NR2F2: variants seen among roughly 807,000 people sequenced by gnomAD.
NR2F2 encodes nuclear receptor subfamily 2 group F member 2.
A neutral mutation model predicts 34.8 loss-of-function variants in NR2F2; 2 were observed. The ratio of observed to expected loss-of-function variants is 0.06; its 90% CI spans 0.02 to 0.18. The LOEUF is 0.18. Among genes scored for constraint, NR2F2 ranks in the 10% least tolerant of loss-of-function variants. The pLI is 1.00. For synonymous variants in NR2F2, 274 were observed against 251.8 expected (o/e 1.09, Z -0.84); for missense variants, 300 against 580.1 (o/e 0.52, Z 4.96).
chr15:96,337,208 T>G, intron 2 of NR2F2, 140 bp from the exon 3 acceptor site: 1 of 718,970 alleles, frequency 1.4e-6, no homozygotes, highest in South Asian at 2.0e-5. Context: ...CCAACTCCGG[T>G]TGGGGCAGTT....
At chr15:96,329,791 CGA>C (rs1899081601), upstream of NR2F2, among the ~76,000 whole-genome samples, 1 of 151,864 alleles carries the variant, frequency 6.6e-6, no homozygotes, top group Admixed American at 6.6e-5. Flanking sequence ...CTAAAACCAG[CGA>C]GAGAGGGTAA....
At chr15:96,333,692 G>GC in intron 1 of NR2F2, 1 of 1,127,276 alleles carries the variant, frequency 8.9e-7, no homozygotes, top group Non-Finnish European at 1.1e-6. Context: ...CCCCAGACTC[G>GC]CCCCTCCCGC....
chr15:96,333,842 C>T (rs535090634), intron 1 of NR2F2: 1 of 1,419,584 alleles, frequency 7.0e-7, no homozygotes, highest in African/African-American at 1.4e-5. Flanking sequence ...GGACCAGCCC[C>T]GAGCGGGCCT....
chr15:96,331,447 C>T lies in NR2F2; in HGVS notation c.-659C>T. The T allele has an allele frequency of 1.6e-6, 2 of 1,231,430 alleles. No individual in the cohort carries two copies. Among genetic ancestry groups the T allele is most frequent in the Non-Finnish European group, 2.0e-6 (2 of 988,020 alleles). The allele number at this position is 1,231,430 out of a possible 1,614,324, so 76.3% of individuals were successfully genotyped here. On this transcript the variant is annotated 5_prime_UTR_variant, in exon 1 of 3. Transcript: ENST00000394166. Reference sequence around the variant, plus strand: ...CCCTGGGCGCGCCCGCACCCGGCGCCTCCGATCTCCTAGTCCTCCTGATTT... The same window carrying T: ...CCCTGGGCGCGCCCGCACCCGGCGCTTCCGATCTCCTAGTCCTCCTGATTT...
At position 96,334,076 on chromosome 15, in the gene NR2F2, C is replaced by T; in HGVS notation, c.443C>T (p.Ala148Val). Residue 148 changes from alanine to valine, a missense_variant and splice_region_variant, in exon 2 of 3, where the codon GCG becomes GTG. Around this residue, in one of 6 missense-constraint regions of NR2F2, gnomAD observed 164 missense variants for 365.3 expected, o/e 0.45. Coordinates refer to ENST00000394166, the MANE Select transcript of NR2F2 (RefSeq NM_021005.4). ...GGAGTGTCTCCTTTCCTCCCCGCAG[C>T]GGTGCAGAGGGGCAGGATGCCGCCG... ...KCLKVGMRRE[A>V]VQRGRMPPTQ... 1 of 1,610,690 alleles carries T rather than the reference C, an allele frequency of 6.2e-7. No homozygotes were observed. The highest frequency in any genetic ancestry group is 8.5e-7 in the Non-Finnish European group (1 of 1,178,424).
At position 96,337,733 on chromosome 15, in the gene NR2F2, G is replaced by T; in HGVS notation, c.*111G>T. 11 of 965,596 alleles carry T rather than the reference G, an allele frequency of 1.1e-5. No homozygotes were observed. The highest frequency in any genetic ancestry group is 1.5e-5 in the Non-Finnish European group (11 of 711,780). 59.8% of individuals were successfully genotyped at this position (965,596 alleles called of 1,614,324 possible). A position where few individuals can be genotyped will look rare whatever the true frequency, so the allele number is the denominator to read the frequency against. On this transcript the variant is annotated 3_prime_UTR_variant, in exon 3 of 3. Coordinates refer to ENST00000394166, the MANE Select transcript of NR2F2 (RefSeq NM_021005.4). The stretch of plus-strand genomic sequence containing the variant: ...GGATATAAAAGGATGTTACAAGTTT[G>T]CTAAAAGAAGAGAGGGGAAGAATTT...
intron 1 of NR2F2, chr15:96,333,832 G>A (rs1439213619): frequency 3.6e-6 from 5 of 1,407,558 alleles, no homozygotes; most frequent in East Asian, 2.5e-5. Context: ...GGTCCTCGGC[G>A]GACCAGCCCC....
In NR2F2 at chr15:96,337,676, G is replaced by A. The variant is rs1467816085; in HGVS notation, c.*54G>A. 1.3e-6 allele frequency: 2 copies of A among 1,536,232 alleles called. No individual in the cohort carries two copies. Among genetic ancestry groups the A allele is most frequent in the Non-Finnish European group, 8.8e-7 (1 of 1,133,572 alleles). ...CAGAGAAAGAAAAGGCAAAAGACTG[G>A]TTTGTTTGCTTAATTTCCTTCTGTT... On this transcript the variant is annotated 3_prime_UTR_variant, in exon 3 of 3. Transcript: ENST00000394166.
At chr15:96,333,747 A>G in intron 1 of NR2F2, 2 of 1,321,396 alleles carry the variant, frequency 1.5e-6, no homozygotes, top group Non-Finnish European at 1.9e-6. Context: ...TTTAGCAGTA[A>G]AGAAGAAAGA....
At chr15:96,329,056 A>G (rs1899061256), upstream of NR2F2, among the ~76,000 whole-genome samples, 1 of 151,986 alleles carries the variant, frequency 6.6e-6, no homozygotes, top group Admixed American at 6.6e-5. Context: ...TTCAGCTACC[A>G]AGGATGTTTT....
rs1596423584 is a variant in NR2F2 at position 96,331,561 on chromosome 15, C to G, written c.-545C>G. On this transcript the variant is annotated 5_prime_UTR_variant, in exon 1 of 3. Coordinates refer to ENST00000394166, the MANE Select transcript of NR2F2 (RefSeq NM_021005.4). ...TCCTCCTCCTCTACCTCCTCCTTCA[C>G]CACCACCTCCTCTTCCTCCTCCTCC... 1.6e-6 allele frequency: 2 copies of G among 1,225,374 alleles called. No individual in the cohort carries two copies. Among genetic ancestry groups the G allele is most frequent in the East Asian group, 3.2e-5 (1 of 31,248 alleles). The allele number at this position is 1,225,374 out of a possible 1,614,324, so 75.9% of individuals were successfully genotyped here. A position where few individuals can be genotyped will look rare whatever the true frequency, so the allele number is the denominator to read the frequency against.
At chr15:96,330,381 G>C (rs1483728647), upstream of NR2F2, among the ~76,000 whole-genome samples, 2 of 151,104 alleles carry the variant, frequency 1.3e-5, no homozygotes, top group African/African-American at 4.8e-5. Flanking sequence ...CGCAGGGCCA[G>C]CACGGGCCCA....
chr15:96,331,690 GATT>G lies in NR2F2; in HGVS notation c.-415_-413del. ...TGAGAGCGAGCGAGATCTTTGGAGA[GATT>G]TTTTTTTTTGCCTCCTACTTCTGTC... On this transcript the variant is annotated 5_prime_UTR_variant, in exon 1 of 3. Transcript: ENST00000394166. 2 of 1,058,450 alleles carry G rather than the reference GATT, an allele frequency of 1.9e-6. No homozygotes were observed. Among genetic ancestry groups the G allele is most frequent in the Non-Finnish European group, 2.4e-6 (2 of 835,670 alleles). 65.6% of individuals were successfully genotyped at this position (1,058,450 alleles called of 1,614,324 possible).
chr15:96,330,530 C>A (rs921013855), upstream of NR2F2, among the ~76,000 whole-genome samples: 1 of 145,490 alleles, frequency 6.9e-6, no homozygotes, highest in Admixed American at 6.8e-5. Flanking sequence ...GCCGCCATGG[C>A]GGGGCCGCCG....
chr15:96,326,234 C>T, upstream of NR2F2: 1 of 1,179,654 alleles, frequency 8.5e-7, no homozygotes, highest in Non-Finnish European at 1.3e-6. The surrounding 1 kb of genome is among the most constrained non-coding windows in gnomAD (Gnocchi z 5.5). Context: ...ATCAAAGACA[C>T]ATCTTTTCAG....
chr15:96,338,671 AAAC>A lies in NR2F2; in HGVS notation c.*1050_*1052del, dbSNP rs1456742355. The A allele has an allele frequency of 6.6e-6, 1 of 152,614 alleles. No individual in the cohort carries two copies. Among genetic ancestry groups the A allele is most frequent in the Admixed American group, 6.5e-5 (1 of 15,272 alleles). 9.5% of individuals were successfully genotyped at this position (152,614 alleles called of 1,614,324 possible). ...AGAGTTTACAGTTTGTGTTTTAAAA[AAAC>A]TGAAGGTTTTTTTTTTAAGTGCAAC... is the stretch of plus-strand genomic sequence containing the variant. On this transcript the variant is annotated 3_prime_UTR_variant, in exon 3 of 3. Coordinates refer to ENST00000394166, the MANE Select transcript of NR2F2 (RefSeq NM_021005.4).
In NR2F2 at chr15:96,337,422, G is replaced by A. The variant is rs752442942; in HGVS notation, c.1045G>A (p.Val349Ile). The change falls in exon 3 of 3, where the codon GTT becomes ATT. Residue 349 changes from valine (V) to isoleucine (I), a missense_variant. Val to Ile is a conservative substitution (Grantham distance 29). Around this residue, in one of 6 missense-constraint regions of NR2F2, gnomAD observed 164 missense variants for 365.3 expected, o/e 0.45. Coordinates refer to ENST00000394166, the MANE Select transcript of NR2F2 (RefSeq NM_021005.4). Reference protein sequence around the residue: ...EKSQCALEEYVRSQYPNQPTR... With the variant: ...EKSQCALEEYIRSQYPNQPTR... The stretch of plus-strand genomic sequence containing the variant: ...GTCTCAGTGTGCTTTGGAAGAATAC[G>A]TTAGGAGCCAGTACCCCAACCAGCC... 8 of 1,614,038 alleles carry A rather than the reference G, an allele frequency of 5.0e-6. No individual in the cohort carries two copies. The highest frequency in any genetic ancestry group is 5.9e-6 in the Non-Finnish European group (7 of 1,180,014).
rs1899163574 is a variant in NR2F2 at position 96,332,083 on chromosome 15, G to A, written c.-23G>A. The A allele has an allele frequency of 6.9e-6, 9 of 1,295,030 alleles. No individual in the cohort carries two copies. The highest frequency in any genetic ancestry group is 7.8e-6 in the Non-Finnish European group (8 of 1,021,152). 80.2% of individuals were successfully genotyped at this position (1,295,030 alleles called of 1,614,324 possible). ...CCGCCCGCAGCCAGGGGAGCAGGAA[G>A]TCCGGACGCAGCCCCCATAGATATG... On this transcript the variant is annotated 5_prime_UTR_variant, in exon 1 of 3. Coordinates refer to ENST00000394166, the MANE Select transcript of NR2F2 (RefSeq NM_021005.4).
upstream of NR2F2, among the ~76,000 whole-genome samples, chr15:96,328,901 A>T (rs1440298135): frequency 6.6e-6 from 1 of 152,158 alleles, no homozygotes; most frequent in Non-Finnish European, 1.5e-5. Flanking sequence ...TTTCCTAAAA[A>T]CCAGCCCCTA....
Sources: gnomAD v4.1 joint callset for allele counts (sites outside exome capture counted in the v4.1 genomes callset) on GRCh38, gnomAD v4.1.1 for gene constraint, gnomAD v4.1.1 regional missense constraint, Gnocchi (gnomAD v3.1) non-coding constraint, MANE v1.5 for transcripts, NCBI Gene and HGNC (gene_info 2026-07-23, HGNC 2026-07-21) for gene names.